CAMSAP1: variants seen among roughly 807,000 people sequenced by gnomAD.
CAMSAP1 encodes the protein calmodulin regulated spectrin associated protein 1.
A neutral mutation model predicts 143.5 loss-of-function variants in CAMSAP1; 58 were observed. The observed-to-expected ratio is 0.40, with a 90% confidence interval of 0.33 to 0.50. The LOEUF is 0.50. Ranked by LOEUF, CAMSAP1 falls within the 20% of genes least tolerant of loss-of-function variation. The pLI, the probability that CAMSAP1 is intolerant of heterozygous loss-of-function variation, is 0.45. For missense variants in CAMSAP1, 1,969 were observed against 2,115.7 expected (o/e 0.93, Z 1.36); for synonymous variants, 945 against 859.3 (o/e 1.10, Z -1.74).
chr9:135,906,838 G>A (rs1364285784), intron 1 of CAMSAP1, among the ~76,000 whole-genome samples, 162 bp downstream of exon 1: 1 of 151,660 alleles, frequency 6.6e-6, no homozygotes, highest in Admixed American at 6.6e-5. Context: ...CGCGTTGCCC[G>A]GGCGCCGCCA....
Position 135,822,410 on chromosome 9 carries a change from C to T in CAMSAP1, c.2251G>A (p.Asp751Asn), listed in dbSNP as rs151146497. Residue 751 changes from aspartate to asparagine, a missense_variant, in exon 11 of 17, where the codon GAT becomes AAT. Asp to Asn is a conservative substitution (Grantham distance 23, BLOSUM62 1). Around this residue, in one of 4 missense-constraint regions of CAMSAP1, gnomAD observed 1,390 missense variants for 1,420.8 expected, o/e 0.98. Coordinates refer to ENST00000389532, the MANE Select transcript of CAMSAP1 (RefSeq NM_015447.4). This position sits in a 1 kb window ranked among gnomAD's most constrained non-coding sequence, Gnocchi z 6.1. The part of the protein sequence containing the change: ...DVVDIEEAEH[D>N]FMGEAHPVVF... ...ACAGGATGGGCCTCACCCATGAAAT[C>T]GTGCTCGGCTTCCTCTATGTCCACC... 2.7e-4 allele frequency: 437 copies of T among 1,613,884 alleles called. No homozygotes were observed. The highest frequency in any genetic ancestry group is 3.6e-4 in the Non-Finnish European group (425 of 1,179,900).
At chr9:135,895,674 G>A (rs1838425453) in intron 1 of CAMSAP1, among the ~76,000 whole-genome samples, 2 of 152,184 alleles carry the variant, frequency 1.3e-5, no homozygotes, top group Admixed American at 1.3e-4. Flanking sequence ...CCCTCCTTAT[G>A]AGTTTTTTAA....
chr9:135,816,665 A>G (rs974123945), intron 14 of CAMSAP1, among the ~76,000 whole-genome samples: 2 of 152,210 alleles, frequency 1.3e-5, no homozygotes, highest in African/African-American at 4.8e-5. Flanking sequence ...GATCTGCCAC[A>G]AAGCCCAGAG....
intron 1 of CAMSAP1, among the ~76,000 whole-genome samples, chr9:135,887,231 C>T (rs1045739900): frequency 5.9e-5 from 9 of 152,168 alleles, no homozygotes; most frequent in African/African-American, 1.2e-4. Flanking sequence ...GAACAGAGAA[C>T]GGGGCGGGGC....
At position 135,818,753 on chromosome 9, in the gene CAMSAP1, G is replaced by T. The variant is rs971093823; in HGVS notation, c.3960-137C>A. ...CCAAGAGTGGCCAGCCTCCACAAGC[G>T]GGACACAGAGGCTGCAAAGGCAGTC... On this transcript the variant is annotated intron_variant, in intron 12 of 16. Coordinates refer to ENST00000389532, the MANE Select transcript of CAMSAP1 (RefSeq NM_015447.4). This position sits in a 1 kb window ranked among gnomAD's most constrained non-coding sequence, Gnocchi z 7.7. The T allele has an allele frequency of 4.6e-5, 53 of 1,159,564 alleles. No homozygotes were observed. Among genetic ancestry groups the T allele is most frequent in the Non-Finnish European group, 6.1e-5 (51 of 839,546 alleles). 71.8% of individuals were successfully genotyped at this position (1,159,564 alleles called of 1,614,324 possible).
chr9:135,880,813 G>T (rs886703779), intron 3 of CAMSAP1, among the ~76,000 whole-genome samples: 2 of 152,096 alleles, frequency 1.3e-5, no homozygotes, highest in Admixed American at 1.3e-4. Flanking sequence ...TGCATATCAG[G>T]ATGCTTACTA....
Position 135,824,620 on chromosome 9 carries a change from G to A in CAMSAP1, c.1315+169C>T, listed in dbSNP as rs748047569. Among the ~76,000 whole-genome samples the A allele has an allele frequency of 4.6e-5, 7 of 152,118 alleles. No homozygotes were observed. The highest frequency in any genetic ancestry group is 7.3e-5 in the Non-Finnish European group (5 of 68,036). ...TCAGAGGCTGCAGTGAGCCGAGATC[G>A]CGCCACAGCACTTCAGCCTGGTGAC... On this transcript the variant is annotated intron_variant, in intron 9 of 16. Transcript: ENST00000389532. The surrounding 1 kb of genome is among the most constrained non-coding windows in gnomAD (Gnocchi z 4.1).
At chr9:135,891,337 C>T (rs1322033734) in intron 1 of CAMSAP1, among the ~76,000 whole-genome samples, 1 of 152,162 alleles carries the variant, frequency 6.6e-6, no homozygotes, top group Non-Finnish European at 1.5e-5. Context: ...GAAGGTTCCT[C>T]GGAGCCAGAA....
At chr9:135,852,581 C>T (rs1309776518) in intron 5 of CAMSAP1, among the ~76,000 whole-genome samples, 5 of 152,142 alleles carry the variant, frequency 3.3e-5, no homozygotes, top group African/African-American at 7.2e-5. Flanking sequence ...CCAGCCAGCG[C>T]GGCTCCCTCG....
intron 1 of CAMSAP1, among the ~76,000 whole-genome samples, chr9:135,887,066 C>T (rs1370810135): frequency 2.6e-5 from 4 of 152,098 alleles, no homozygotes; most frequent in Admixed American, 1.3e-4. Flanking sequence ...TGGAGACGTG[C>T]TTTGGAACCC....
In CAMSAP1 at chr9:135,826,764, C is replaced by T. The variant is rs1382704974; in HGVS notation, c.1223+643G>A. 1.3e-5 allele frequency among the ~76,000 whole-genome samples: 2 copies of T among 152,172 alleles called. No individual in the cohort carries two copies. Among genetic ancestry groups the T allele is most frequent in the Non-Finnish European group, 2.9e-5 (2 of 68,042 alleles). On this transcript the variant is annotated intron_variant, in intron 8 of 16. Transcript: ENST00000389532. The surrounding 1 kb of genome is among the most constrained non-coding windows in gnomAD (Gnocchi z 4.4). ...TGGCATCAGCTGTGGGTCCTCCTAC[C>T]ACACACAGCACAAAGCTCACTCTTA...
intron 1 of CAMSAP1, among the ~76,000 whole-genome samples, chr9:135,887,308 A>C (rs1285262463): frequency 1.3e-5 from 2 of 152,126 alleles, no homozygotes; most frequent in Non-Finnish European, 2.9e-5. Context: ...GAAGGCTGAG[A>C]AGGATGCATG....
Position 135,821,888 on chromosome 9 carries a change from C to G in CAMSAP1, c.2773G>C (p.Glu925Gln), listed in dbSNP as rs775316283. 1 of 1,614,012 alleles carries G rather than the reference C, an allele frequency of 6.2e-7. No homozygotes were observed. The highest frequency in any genetic ancestry group is 8.5e-7 in the Non-Finnish European group (1 of 1,179,908). The change falls in exon 11 of 17, where the codon GAG becomes CAG. Residue 925 changes from glutamate to glutamine, a missense_variant. Transcript: ENST00000389532. The surrounding 1 kb of genome is among the most constrained non-coding windows in gnomAD (Gnocchi z 4.6). ...FLHVVKKGKA[E>Q]AAPPLRPEHF... ...TCCGGCCTGAGGGGTGGGGCAGCCT[C>G]GGCCTTGCCCTTCTTCACCACATGC...
At position 135,809,972 on chromosome 9, in the gene CAMSAP1, T is replaced by G. The variant is rs1834984449; in HGVS notation, c.*1337A>C. 6.6e-6 allele frequency: 1 copy of G among 152,666 alleles called. No individual in the cohort carries two copies. The highest frequency in any genetic ancestry group is 6.5e-5 in the Admixed American group (1 of 15,288). The allele number at this position is 152,666 out of a possible 1,614,324, so 9.5% of individuals were successfully genotyped here. The stretch of plus-strand genomic sequence containing the variant: ...AATTTGTCTCTTTTTCTCCCAATTA[T>G]TGATCTTTTGATTTTTTCTGCAGTT... On this transcript the variant is annotated 3_prime_UTR_variant, in exon 17 of 17. Coordinates refer to ENST00000389532, the MANE Select transcript of CAMSAP1 (RefSeq NM_015447.4).
intron 16 of CAMSAP1, among the ~76,000 whole-genome samples, chr9:135,812,971 A>C (rs1328996604): frequency 6.7e-6 from 1 of 149,618 alleles, no homozygotes. Context: ...AAAAAAAAAG[A>C]AGAATCTGAA....
intron 11 of CAMSAP1, 26 bp from the exon 12 acceptor site, chr9:135,819,172 A>AT: frequency 1.3e-6 from 2 of 1,589,976 alleles, no homozygotes. Context: ...CACACAGAGC[A>AT]TGACAGGAAC....
intron 4 of CAMSAP1, among the ~76,000 whole-genome samples, chr9:135,863,037 G>A (rs1837254675): frequency 6.6e-6 from 1 of 152,180 alleles, no homozygotes; most frequent in African/African-American, 2.4e-5. Flanking sequence ...TTACTTTTCT[G>A]AGTAATATCA....
intron 4 of CAMSAP1, among the ~76,000 whole-genome samples, chr9:135,863,213 T>C: frequency 6.6e-6 from 1 of 152,132 alleles, no homozygotes; most frequent in East Asian, 1.9e-4. Context: ...AGAAGACAAG[T>C]GTCTGCTCAA....
chr9:135,818,238 C>A lies in CAMSAP1; in HGVS notation c.4169-159G>T, dbSNP rs1588440697. 6 of 1,108,094 alleles carry A rather than the reference C, an allele frequency of 5.4e-6. No individual in the cohort carries two copies. In the East Asian group the frequency reaches 1.6e-4, roughly 29 times the overall value. The allele number at this position is 1,108,094 out of a possible 1,614,324, so 68.6% of individuals were successfully genotyped here. A position where few individuals can be genotyped will look rare whatever the true frequency, so the allele number is the denominator to read the frequency against. Reference sequence around the variant, plus strand: ...AGCCGGGCTGCGCCTGGATGTGCCGCACATCTCAGAGCATCTGGTCTCAAC... The same window carrying A: ...AGCCGGGCTGCGCCTGGATGTGCCGAACATCTCAGAGCATCTGGTCTCAAC... On this transcript the variant is annotated intron_variant, in intron 13 of 16. Coordinates refer to ENST00000389532, the MANE Select transcript of CAMSAP1 (RefSeq NM_015447.4). The surrounding 1 kb of genome is among the most constrained non-coding windows in gnomAD (Gnocchi z 7.7).
Sources: allele counts gnomAD v4.1 joint callset (sites outside exome capture counted in the v4.1 genomes callset), GRCh38; gene constraint gnomAD v4.1.1; regional missense constraint gnomAD v4.1.1; non-coding constraint Gnocchi (gnomAD v3.1); transcripts MANE v1.5; gene names NCBI Gene and HGNC (gene_info 2026-07-23, HGNC 2026-07-21).